The following SYNE3 variants were observed in gnomAD, a reference collection of about 807,000 sequenced individuals.
SYNE3 encodes spectrin repeat containing nuclear envelope family member 3, also known as nesprin-3.
SYNE3 carries 100 observed loss-of-function variants against 111.2 expected under a neutral mutation model. That is an observed-to-expected ratio of 0.90 (90% CI 0.77 to 1.06). The LOEUF is 1.06. SYNE3 is among the 50% of genes least tolerant of loss of function. The pLI, the probability that SYNE3 is intolerant of heterozygous loss-of-function variation, is 0.00. For synonymous variants in SYNE3, 547 were observed against 533.9 expected, an observed-to-expected ratio of 1.02 and a Z score of -0.34; for missense variants, 1,160 against 1,240.3, an observed-to-expected ratio of 0.94 and a Z score of 0.97.
At chr14:95,420,949 C>T (rs1226635509) in intron 17 of SYNE3, among the ~76,000 whole-genome samples, 2 of 152,132 alleles carry the variant, frequency 1.3e-5, no homozygotes, top group African/African-American at 2.4e-5. Context: ...ATAATTGAAT[C>T]ATGGGGGCAG....
At chr14:95,487,489 C>T (rs553992817) in intron 1 of SYNE3, among the ~76,000 whole-genome samples, 1 of 152,302 alleles carries the variant, frequency 6.6e-6, no homozygotes, top group African/African-American at 2.4e-5. Context: ...AGGGGTTTGT[C>T]ATGTTCATCT....
At position 95,433,311 on chromosome 14, in the gene SYNE3, G is replaced by A; in HGVS notation, c.2637C>T (p.Arg879=). The part of the protein sequence containing the change: ...RGTSDELEDL[R]YQWMLYKSKL... ...TGGACTTGTACAGCATCCACTGGTAGCGCAGATCTTCCAGCTCATCCGAGG... is the reference window on the plus strand; with the variant it reads ...TGGACTTGTACAGCATCCACTGGTAACGCAGATCTTCCAGCTCATCCGAGG... The change falls in exon 16 of 18, where the codon CGC becomes CGT. Residue 879 remains arginine (R), a synonymous_variant. Coordinates refer to ENST00000682763, the MANE Select transcript of SYNE3 (RefSeq NM_152592.6). 2 of 1,614,198 alleles carry A rather than the reference G, an allele frequency of 1.2e-6. No homozygotes were observed. Among genetic ancestry groups the A allele is most frequent in the Non-Finnish European group, 1.7e-6 (2 of 1,180,030 alleles).
chr14:95,453,007 G>A (rs939242461), intron 6 of SYNE3, among the ~76,000 whole-genome samples: 4 of 152,194 alleles, frequency 2.6e-5, no homozygotes, highest in Admixed American at 1.3e-4. Flanking sequence ...GAAGTTCCAC[G>A]TTTGACCTTG....
intron 17 of SYNE3, among the ~76,000 whole-genome samples, chr14:95,429,360 G>A (rs966855981): frequency 1.4e-4 from 21 of 152,196 alleles, no homozygotes; most frequent in African/African-American, 5.1e-4. Context: ...CACGCTAATG[G>A]TGGAGCCTGG....
At position 95,455,681 on chromosome 14, in the gene SYNE3, G is replaced by A. The variant is rs760915431; in HGVS notation, c.833C>T (p.Thr278Met). 35 of 1,614,052 alleles carry A rather than the reference G, an allele frequency of 2.2e-5. No individual in the cohort carries two copies. Among genetic ancestry groups the A allele is most frequent in the South Asian group, 1.4e-4 (13 of 91,094 alleles). Reference sequence around the variant, plus strand: ...GACACCCGCAGACTGCTCCTCCAGCGTCTCCAGAGACTCCTCGCCCCTGGG... The same window carrying A: ...GACACCCGCAGACTGCTCCTCCAGCATCTCCAGAGACTCCTCGCCCCTGGG... ...DFPRGEESLE[T>M]LEEQSAGVIR... Residue 278 changes from threonine to methionine, a missense_variant, in exon 6 of 18, where the codon ACG (threonine) becomes ATG (methionine). Physicochemically the swap from Thr to Met is moderately conservative, Grantham distance 81 (BLOSUM62 -1). Transcript: ENST00000682763.
At position 95,416,945 on chromosome 14, in the gene SYNE3, T is replaced by A. The variant is rs1479138680; in HGVS notation, c.*881A>T. The A allele has an allele frequency of 6.6e-6, 1 of 152,240 alleles. No individual in the cohort carries two copies. The highest frequency in any genetic ancestry group is 1.5e-5 in the Non-Finnish European group (1 of 68,078). 9.4% of individuals were successfully genotyped at this position (152,240 alleles called of 1,614,324 possible). On this transcript the variant is annotated 3_prime_UTR_variant, in exon 18 of 18. Coordinates refer to ENST00000682763, the MANE Select transcript of SYNE3 (RefSeq NM_152592.6). ...ACCGAGTGTGCCTCACCATTCTGCA[T>A]GGAAATCTTAAAAATCAAGCTTGTC...
Position 95,418,411 on chromosome 14 carries a change from TC to T in SYNE3, c.2728-386del, listed in dbSNP as rs572500220. On this transcript the variant is annotated intron_variant, in intron 17 of 17. Coordinates refer to ENST00000682763, the MANE Select transcript of SYNE3 (RefSeq NM_152592.6). The stretch of plus-strand genomic sequence containing the variant: ...CTACATGACAGAATTGTCATGAGGA[TC>T]CAATGAGGCAGAGCCTGGCACATAG... 1.4e-3 allele frequency among the ~76,000 whole-genome samples: 209 copies of T among 152,212 alleles called. 2 individuals carry two copies. The highest frequency in any genetic ancestry group is 4.7e-3 in the African/African-American group (196 of 41,510).
chr14:95,442,942 T>C (rs1330832234), intron 11 of SYNE3, among the ~76,000 whole-genome samples: 1 of 152,166 alleles, frequency 6.6e-6, no homozygotes, highest in Non-Finnish European at 1.5e-5. Flanking sequence ...CTCTGCTACC[T>C]CCATCCTTAG....
chr14:95,495,934 C>T (rs1361808646), intron 1 of SYNE3, among the ~76,000 whole-genome samples: 1 of 152,204 alleles, frequency 6.6e-6, no homozygotes, highest in Non-Finnish European at 1.5e-5. Context: ...CGAAGCCTTC[C>T]CCAGTGGGCC....
At chr14:95,430,336 C>T (rs556159863) in intron 17 of SYNE3, among the ~76,000 whole-genome samples, 2 of 152,242 alleles carry the variant, frequency 1.3e-5, no homozygotes, top group African/African-American at 4.8e-5. Context: ...CACCAGGACC[C>T]ACCAGGCTGG....
intron 1 of SYNE3, among the ~76,000 whole-genome samples, chr14:95,494,541 A>AGG (rs1014864813): frequency 2.0e-5 from 3 of 152,150 alleles, no homozygotes; most frequent in African/African-American, 7.2e-5. Context: ...GAGCAGGCTG[A>AGG]GGGGACTGAA....
Position 95,408,786 on chromosome 14 carries a change from C to A in SYNE3, c.*9040G>T. 4.5e-6 allele frequency: 1 copy of A among 222,426 alleles called. No individual in the cohort carries two copies. The highest frequency in any genetic ancestry group is 2.3e-5 in the African/African-American group (1 of 43,514). The allele number at this position is 222,426 out of a possible 1,614,324, so 13.8% of individuals were successfully genotyped here. On this transcript the variant is annotated 3_prime_UTR_variant, in exon 18 of 18. Transcript: ENST00000682763. ...GTAAAACTTCTGGAACATGCACAAG[C>A]GACTGCCTCCTTGTTTCTCCCATGA... is the stretch of plus-strand genomic sequence containing the variant.
chr14:95,439,246 C>G (rs1325269219), intron 13 of SYNE3, 84 bp from the exon 14 acceptor site: 1 of 1,583,334 alleles, frequency 6.3e-7, no homozygotes, highest in Non-Finnish European at 8.6e-7. Flanking sequence ...AATTGGGGAA[C>G]CACGGGTCAC....
At chr14:95,432,222 G>A (rs1358576953) in intron 16 of SYNE3, 105 bp from the exon 17 acceptor site, 1 of 1,374,668 alleles carries the variant, frequency 7.3e-7, no homozygotes, top group South Asian at 1.3e-5. Flanking sequence ...TTTGTCAGGG[G>A]AGTGTTTCTT....
chr14:95,434,653 C>T (rs1292137817), intron 15 of SYNE3, among the ~76,000 whole-genome samples: 4 of 114,270 alleles, frequency 3.5e-5, no homozygotes, highest in African/African-American at 1.7e-4. Flanking sequence ...AAAAGATTAT[C>T]CTAAATCTTT....
intron 1 of SYNE3, among the ~76,000 whole-genome samples, chr14:95,501,107 A>C (rs1487796587): frequency 6.6e-6 from 1 of 152,234 alleles, no homozygotes; most frequent in Non-Finnish European, 1.5e-5. Context: ...TAGAATGGGC[A>C]CCACATGTGC....
chr14:95,461,311 G>A (rs990938719), intron 4 of SYNE3, among the ~76,000 whole-genome samples: 13 of 152,236 alleles, frequency 8.5e-5, no homozygotes, highest in Admixed American at 5.9e-4. Context: ...AAGCAGCGGG[G>A]GTGAGGATGC....
chr14:95,467,342 G>A (rs981322681), intron 3 of SYNE3, among the ~76,000 whole-genome samples: 5 of 152,132 alleles, frequency 3.3e-5, no homozygotes, highest in Non-Finnish European at 7.4e-5. Context: ...GAGGTTCAGC[G>A]AGGTCAGGTA....
chr14:95,466,019 A>G lies in SYNE3; in HGVS notation c.539T>C (p.Leu180Pro). 1 of 1,612,242 alleles carries G rather than the reference A, an allele frequency of 6.2e-7. No homozygotes were observed. The highest frequency in any genetic ancestry group is 1.1e-5 in the South Asian group (1 of 91,032). ...GCTGGGGTCCCCGATCCTGTTGAAC[A>G]GGGAGGCTGCCTCCTCCAGCAGCCG... ...LDRLLEEAAS[L>P]FNRIGDPSVD... The change falls in exon 4 of 18, where the codon CTG becomes CCG. Residue 180 changes from leucine (L) to proline (P), a missense_variant. Physicochemically the swap from Leu to Pro is moderately conservative, Grantham distance 98 (BLOSUM62 -3). Coordinates refer to ENST00000682763, the MANE Select transcript of SYNE3 (RefSeq NM_152592.6).
Sources: allele counts gnomAD v4.1 joint callset (sites outside exome capture counted in the v4.1 genomes callset), GRCh38; gene constraint gnomAD v4.1.1; transcripts MANE v1.5; gene names NCBI Gene and HGNC (gene_info 2026-07-23, HGNC 2026-07-21).